The following KCNAB1 variants were observed in gnomAD, a reference collection of about 807,000 sequenced individuals.
KCNAB1 encodes the protein potassium voltage-gated channel subfamily A regulatory beta subunit 1, also known as voltage-gated potassium channel subunit beta-1.
A neutral mutation model predicts 64.6 loss-of-function variants in KCNAB1; 35 were observed. The observed-to-expected ratio is 0.54, with a 90% CI of 0.41 to 0.72. The LOEUF is 0.72. KCNAB1 is among the 30% of genes least tolerant of loss of function. The pLI is 0.00. For missense variants in KCNAB1, 401 were observed against 512.9 expected (o/e 0.78, Z 2.11); for synonymous variants, 177 against 183.8 (o/e 0.96, Z 0.30).
rs371666469 is a variant in KCNAB1, at chr3:156,452,773, A to T, written c.320-126A>T. The T allele has an allele frequency of 1.1e-5, 7 of 658,924 alleles. No individual in the cohort carries two copies. The East Asian group carries it at 1.9e-4, about 18-fold the overall frequency. 40.8% of individuals were successfully genotyped at this position (658,924 alleles called of 1,614,324 possible). ...AGACCACAGCCCACATGTGCCCCTC[A>T]TCCAGGTACCTTTGTGAACTACCCA... is the stretch of plus-strand genomic sequence containing the variant. On this transcript the variant is annotated intron_variant, in intron 2 of 13. Coordinates refer to ENST00000490337, the MANE Select transcript of KCNAB1 (RefSeq NM_172160.3). The surrounding 1 kb of genome is among the most constrained non-coding windows in gnomAD (Gnocchi z 4.6).
At chr3:156,313,477 A>T (rs761753736) in intron 1 of KCNAB1, among the ~76,000 whole-genome samples, 3 of 152,172 alleles carry the variant, frequency 2.0e-5, no homozygotes, top group Non-Finnish European at 4.4e-5. Context: ...AAGCAGAGGG[A>T]TATTTGACTA....
At chr3:156,526,701 C>T (rs1302376029) in intron 12 of KCNAB1, among the ~76,000 whole-genome samples, 1 of 152,190 alleles carries the variant, frequency 6.6e-6, no homozygotes, top group African/African-American at 2.4e-5. Flanking sequence ...TCTCCTTCAT[C>T]ACCATAACAA....
At chr3:156,533,173 G>C in intron 13 of KCNAB1, among the ~76,000 whole-genome samples, 1 of 152,174 alleles carries the variant, frequency 6.6e-6, no homozygotes, top group Non-Finnish European at 1.5e-5. Flanking sequence ...TATGAAAAGG[G>C]CTATTAAGTA....
At chr3:156,188,265 T>C (rs1051643984) in intron 1 of KCNAB1, among the ~76,000 whole-genome samples, 1 of 151,804 alleles carries the variant, frequency 6.6e-6, no homozygotes, top group Non-Finnish European at 1.5e-5. Context: ...TTGGAAAATA[T>C]GGAAAAATAA....
intron 1 of KCNAB1, among the ~76,000 whole-genome samples, chr3:156,122,934 C>T (rs1055507455): frequency 7.2e-5 from 11 of 152,192 alleles, no homozygotes; most frequent in Admixed American, 3.9e-4. Context: ...TCTGTCGAGT[C>T]CTTGAGATTC....
At chr3:156,193,877 C>A (rs994416338) in intron 1 of KCNAB1, among the ~76,000 whole-genome samples, 3 of 152,096 alleles carry the variant, frequency 2.0e-5, no homozygotes, top group Admixed American at 6.6e-5. Context: ...GCATTTTCAA[C>A]CTATGATATT....
chr3:156,337,720 T>C (rs1361761505), intron 1 of KCNAB1, among the ~76,000 whole-genome samples: 1 of 152,208 alleles, frequency 6.6e-6, no homozygotes, highest in Non-Finnish European at 1.5e-5. Context: ...CACTTAGTAT[T>C]TGCCACTAGT....
intron 1 of KCNAB1, among the ~76,000 whole-genome samples, chr3:156,381,508 T>C (rs986575567): frequency 2.0e-5 from 3 of 152,200 alleles, no homozygotes; most frequent in Non-Finnish European, 4.4e-5. Context: ...AAGCAGATGT[T>C]CTAACATGGG....
At chr3:156,349,862 G>C (rs1441252300) in intron 1 of KCNAB1, among the ~76,000 whole-genome samples, 2 of 152,300 alleles carry the variant, frequency 1.3e-5, no homozygotes, top group East Asian at 3.9e-4. Flanking sequence ...ACTGTGCTCA[G>C]CTGTTTTTCT....
intron 1 of KCNAB1, among the ~76,000 whole-genome samples, chr3:156,354,047 ATGTGTG>A (rs368761986): frequency 0.02 from 2,772 of 137,554 alleles, 68 homozygotes; most frequent in African/African-American, 0.06. Flanking sequence ...GTGTATATAT[ATGTGTG>A]TGTGTGTGTG....
chr3:156,174,050 C>T (rs545409414), intron 1 of KCNAB1, among the ~76,000 whole-genome samples: 3 of 152,194 alleles, frequency 2.0e-5, no homozygotes, highest in African/African-American at 4.8e-5. Context: ...GAGTCTCCAG[C>T]TTGCAGACTA....
At chr3:156,527,927 AC>A (rs1718437117) in intron 12 of KCNAB1, among the ~76,000 whole-genome samples, 1 of 152,154 alleles carries the variant, frequency 6.6e-6, no homozygotes, top group South Asian at 2.1e-4. Context: ...CTCTGGACAT[AC>A]TTGCTAGTGA....
chr3:156,329,705 C>G (rs926496612), intron 1 of KCNAB1, among the ~76,000 whole-genome samples: 1 of 152,114 alleles, frequency 6.6e-6, no homozygotes, highest in Non-Finnish European at 1.5e-5. Flanking sequence ...CCATTTCACT[C>G]TTGCCAAGAG....
At chr3:156,474,423 TTTTA>T (rs1249939941) in intron 7 of KCNAB1, among the ~76,000 whole-genome samples, 1 of 152,190 alleles carries the variant, frequency 6.6e-6, no homozygotes, top group Non-Finnish European at 1.5e-5. Context: ...AGAAGCTGCT[TTTTA>T]TTCTAAATTT....
intron 1 of KCNAB1, among the ~76,000 whole-genome samples, chr3:156,249,028 G>GT (rs1417716884): frequency 4.8e-5 from 3 of 62,864 alleles, no homozygotes; most frequent in Admixed American, 2.7e-4. Flanking sequence ...ATCTGGTTGT[G>GT]TTTTTTTTTT....
At chr3:156,495,016 C>G (rs548961163) in intron 8 of KCNAB1, among the ~76,000 whole-genome samples, 1 of 152,238 alleles carries the variant, frequency 6.6e-6, no homozygotes, top group South Asian at 2.1e-4. Flanking sequence ...CTGATACTCT[C>G]CCTCCTCCTA....
chr3:156,314,828 C>T (rs1026871742), intron 1 of KCNAB1, among the ~76,000 whole-genome samples: 1 of 152,158 alleles, frequency 6.6e-6, no homozygotes, highest in African/African-American at 2.4e-5. Flanking sequence ...GCCTGGCCAA[C>T]ATGGTGATAT....
At chr3:156,368,348 C>G (rs1169896812) in intron 1 of KCNAB1, among the ~76,000 whole-genome samples, 1 of 150,294 alleles carries the variant, frequency 6.7e-6, no homozygotes, top group African/African-American at 2.5e-5. Flanking sequence ...TAAAGCTCAC[C>G]TGGTGATCCG....
At chr3:156,460,361 A>T (rs1278764293) in intron 5 of KCNAB1, 1 of 153,694 alleles carries the variant, frequency 6.5e-6, no homozygotes, top group African/African-American at 2.4e-5. Context: ...TGTGCCCAGG[A>T]ACCCTATTAT....
Sources: allele counts gnomAD v4.1 joint callset (sites outside exome capture counted in the v4.1 genomes callset), GRCh38; gene constraint gnomAD v4.1.1; non-coding constraint Gnocchi (gnomAD v3.1); transcripts MANE v1.5; gene names NCBI Gene and HGNC (gene_info 2026-07-23, HGNC 2026-07-21).